Variants in MYH10 observed in about 807,000 individuals in gnomAD.
MYH10 encodes myosin-10.
MYH10 carries 55 observed loss-of-function variants against 257.8 expected under a neutral mutation model. That is an observed-to-expected ratio of 0.21 (90% CI 0.17 to 0.27). The LOEUF (loss-of-function observed/expected upper bound fraction) is 0.27. Ranked by LOEUF, MYH10 falls within the 10% of genes least tolerant of loss-of-function variation. MYH10 has a pLI of 1.00. For missense variants in MYH10, 1,631 were observed against 2,500.6 expected (o/e 0.65, Z 7.42); for synonymous variants, 854 against 921.7 (o/e 0.93, Z 1.33).
chr17:8,613,116 C>A (rs1259185576), intron 2 of MYH10, among the ~76,000 whole-genome samples: 2 of 151,856 alleles, frequency 1.3e-5, no homozygotes, highest in Non-Finnish European at 2.9e-5. Flanking sequence ...TTCAAGGGAA[C>A]AACAATCAAA....
chr17:8,505,501 CATT>C (rs1179361497), intron 27 of MYH10, among the ~76,000 whole-genome samples: 4 of 152,200 alleles, frequency 2.6e-5, no homozygotes, highest in African/African-American at 7.2e-5. Context: ...GATTGTAACA[CATT>C]ATAAACTCCA....
chr17:8,482,191 T>C (rs563530602), intron 37 of MYH10, among the ~76,000 whole-genome samples: 1 of 152,340 alleles, frequency 6.6e-6, no homozygotes, highest in Admixed American at 6.5e-5. Context: ...GTCCCAAGGT[T>C]AGTCAGCAGC....
In MYH10 at chr17:8,484,251, A is replaced by C; in HGVS notation, c.5062T>G (p.Tyr1688Asp). ...CGAGCTTCTTCTAATTCACGTTGGT[A>C]ATCCTTCATCTGAGCCTAAGATTAA... ...LRKLQAQMKD[Y>D]QRELEEARAS... The change falls in exon 37 of 43, where the codon TAC becomes GAC. Residue 1688 changes from tyrosine to aspartate, a missense_variant. This residue lies in a region of MYH10 where 463 missense variants were observed against 621.8 expected (regional missense o/e 0.74). Transcript: ENST00000360416. 2 of 1,612,578 alleles carry C rather than the reference A, an allele frequency of 1.2e-6. No individual in the cohort carries two copies. The highest frequency in any genetic ancestry group is 1.7e-6 in the Non-Finnish European group (2 of 1,179,488).
rs773480638 is a variant in MYH10 at position 8,490,525 on chromosome 17, C to A, written c.4699G>T (p.Ala1567Ser). The A allele has an allele frequency of 6.2e-7, 1 of 1,614,202 alleles. No individual in the cohort carries two copies. Among genetic ancestry groups the A allele is most frequent in the South Asian group, 1.1e-5 (1 of 91,078 alleles). Residue 1567 changes from alanine (A) to serine (S), a missense_variant, in exon 35 of 43, where the codon GCC (alanine) becomes TCC (serine). Coordinates refer to ENST00000360416, the MANE Select transcript of MYH10 (RefSeq NM_001256012.3). This position sits in a 1 kb window ranked among gnomAD's most constrained non-coding sequence, Gnocchi z 4.1. ...NVHELEKSKR[A>S]LEQQVEEMRT... ...ATTTCCTCCACCTGCTGCTCTAGGG[C>A]CCGTTTGGATTTTTCAAGTTCGTGA...
intron 40 of MYH10, 75 bp downstream of exon 40, chr17:8,480,033 CGA>C (rs1913424883): frequency 6.8e-7 from 1 of 1,481,356 alleles, no homozygotes. Flanking sequence ...GGAGCCCCCC[CGA>C]AAGGGGCATG....
At chr17:8,513,945 G>A (rs2081379630) in intron 21 of MYH10, 51 bp from the exon 22 acceptor site, 2 of 1,487,518 alleles carry the variant, frequency 1.3e-6, no homozygotes, top group Non-Finnish European at 1.8e-6. Flanking sequence ...GTGCTTGAAT[G>A]GCTGTTGTCA....
In MYH10 at chr17:8,478,426, T is replaced by C. The variant is rs977564720; in HGVS notation, c.5618A>G (p.Lys1873Arg). ...QEAKERAAAN[K>R]LVRRTEKKLK... Reference sequence around the variant, plus strand: ...CTTCTTCTCAGTGCGACGGACTAATTTGTTGGCGGCTGCTCGTTCCCTGTG... The same window carrying C: ...CTTCTTCTCAGTGCGACGGACTAATCTGTTGGCGGCTGCTCGTTCCCTGTG... The change falls in exon 41 of 43, where the codon AAA (lysine) becomes AGA (arginine). Residue 1873 changes from lysine (K) to arginine (R), a missense_variant. This residue lies in a region of MYH10 where 343 missense variants were observed against 389.5 expected (regional missense o/e 0.88). Transcript: ENST00000360416. 6 of 1,614,244 alleles carry C rather than the reference T, an allele frequency of 3.7e-6. No homozygotes were observed. The highest frequency in any genetic ancestry group is 5.1e-6 in the Non-Finnish European group (6 of 1,180,046).
At chr17:8,515,533 C>CTTTTTTTTTTT in intron 21 of MYH10, among the ~76,000 whole-genome samples, 1 of 86,896 alleles carries the variant, frequency 1.2e-5, no homozygotes, top group Admixed American at 1.6e-4. Context: ...TTAGCCAAGT[C>CTTTTTTTTTTT]TTTTTTTTTT....
chr17:8,517,586 C>T (rs192359151), intron 21 of MYH10, among the ~76,000 whole-genome samples: 1 of 152,354 alleles, frequency 6.6e-6, no homozygotes, highest in Non-Finnish European at 1.5e-5. Context: ...TCAAATTTAA[C>T]AACTTTTCTC....
chr17:8,504,592 G>A lies in MYH10; in HGVS notation c.3599+102C>T. The A allele has an allele frequency of 1.3e-5, 13 of 1,022,278 alleles. No individual in the cohort carries two copies. The highest frequency in any genetic ancestry group is 1.9e-5 in the Non-Finnish European group (13 of 686,322). 63.3% of individuals were successfully genotyped at this position (1,022,278 alleles called of 1,614,324 possible). A position where few individuals can be genotyped will look rare whatever the true frequency, so the allele number is the denominator to read the frequency against. On this transcript the variant is annotated intron_variant, in intron 28 of 42. Transcript: ENST00000360416. This position sits in a 1 kb window ranked among gnomAD's most constrained non-coding sequence, Gnocchi z 5.6. The stretch of plus-strand genomic sequence containing the variant: ...GTTCCACCTGCCATCACAAGGAAAA[G>A]CACACCACCTCCCAAAGATAGCAAG...
Position 8,591,074 on chromosome 17 carries a change from G to A in MYH10, c.503-1966C>T, listed in dbSNP as rs538392797. Among the ~76,000 whole-genome samples, 22 of 151,930 alleles carry A rather than the reference G, an allele frequency of 1.4e-4. 1 individual carries two copies. The East Asian group carries it at 3.9e-3, about 27-fold the overall frequency. ...TTTTTAGTAGAGACGGGGTTTCACC[G>A]TGTTAGCCAGGATGGTCTCGATCTC... On this transcript the variant is annotated intron_variant, in intron 3 of 42. Coordinates refer to ENST00000360416, the MANE Select transcript of MYH10 (RefSeq NM_001256012.3).
At chr17:8,488,991 TAATAAACAG>T (rs1287365370) in intron 35 of MYH10, among the ~76,000 whole-genome samples, 2 of 152,168 alleles carry the variant, frequency 1.3e-5, no homozygotes, top group Non-Finnish European at 2.9e-5. Context: ...GACTTGCTTC[TAATAAACAG>T]AATAAACAAG....
At chr17:8,491,483 T>C (rs1251502679) in intron 34 of MYH10, among the ~76,000 whole-genome samples, 4 of 152,152 alleles carry the variant, frequency 2.6e-5, no homozygotes, top group Admixed American at 6.5e-5. Flanking sequence ...CGCTGACTTA[T>C]GATGTGGCCA....
Position 8,569,597 on chromosome 17 carries a change from C to T in MYH10, c.756+123G>A. On this transcript the variant is annotated intron_variant, in intron 7 of 42. Coordinates refer to ENST00000360416, the MANE Select transcript of MYH10 (RefSeq NM_001256012.3). The surrounding 1 kb of genome is among the most constrained non-coding windows in gnomAD (Gnocchi z 4.1). ...AATTACATGTGAGCTTGTATTATGT[C>T]TACAGAACTACATCTATTAGCTTCT... 1.6e-6 allele frequency: 1 copy of T among 637,546 alleles called. No homozygotes were observed. 39.5% of individuals were successfully genotyped at this position (637,546 alleles called of 1,614,324 possible). A position where few individuals can be genotyped will look rare whatever the true frequency, so the allele number is the denominator to read the frequency against.
At position 8,512,496 on chromosome 17, in the gene MYH10, G is replaced by C; in HGVS notation, c.2907C>G (p.Asn969Lys). 4 of 1,613,478 alleles carry C rather than the reference G, an allele frequency of 2.5e-6. No homozygotes were observed. Among genetic ancestry groups the C allele is most frequent in the Non-Finnish European group, 3.4e-6 (4 of 1,179,848 alleles). ...TTTTCTTTTCATTTTGGAGGATTTG[G>C]TTTCTTTCTTCTTCTTCTTCAACCC... ...ESRVEEEEER[N>K]QILQNEKKKM... The change falls in exon 24 of 43, where the codon AAC becomes AAG. Residue 969 changes from asparagine (N) to lysine (K), a missense_variant. By Grantham distance (94) the Asn-to-Lys change is moderately conservative (BLOSUM62 0). Around this residue, in one of 11 missense-constraint regions of MYH10, gnomAD observed 169 missense variants for 249.8 expected, o/e 0.68. Transcript: ENST00000360416.
At chr17:8,568,821 C>G (rs1246865357) in intron 7 of MYH10, among the ~76,000 whole-genome samples, 1 of 151,932 alleles carries the variant, frequency 6.6e-6, no homozygotes, top group Non-Finnish European at 1.5e-5. Context: ...TCTGACGTAA[C>G]AGAGACCTGG....
intron 27 of MYH10, among the ~76,000 whole-genome samples, chr17:8,505,733 C>T (rs1480282645): frequency 6.6e-5 from 10 of 152,204 alleles, no homozygotes; most frequent in African/African-American, 2.4e-4. Flanking sequence ...GTAATCCCAG[C>T]ACTTTGGGAG....
At position 8,477,030 on chromosome 17, in the gene MYH10, G is replaced by A. The variant is rs774684560; in HGVS notation, c.5725C>T (p.Arg1909Trp). Residue 1909 changes from arginine (R) to tryptophan (W), a missense_variant, in exon 42 of 43, where the codon CGG becomes TGG. Physicochemically the swap from Arg to Trp is moderately radical, Grantham distance 101. This residue lies in a region of MYH10 where 343 missense variants were observed against 389.5 expected (regional missense o/e 0.88). Transcript: ENST00000360416. The surrounding 1 kb of genome is among the most constrained non-coding windows in gnomAD (Gnocchi z 4.2). ...YKEQMEKANA[R>W]MKQLKRQLEE... ...AGCTGGCGTTTAAGCTGCTTCATCCGAGCGTTGGCCTTCTCCATCTTGGGG... is the reference window on the plus strand; with the variant it reads ...AGCTGGCGTTTAAGCTGCTTCATCCAAGCGTTGGCCTTCTCCATCTTGGGG... The A allele has an allele frequency of 3.1e-6, 5 of 1,614,034 alleles. No individual in the cohort carries two copies. The highest frequency in any genetic ancestry group is 4.2e-6 in the Non-Finnish European group (5 of 1,180,028).
chr17:8,484,783 T>A (rs555796028), intron 36 of MYH10, among the ~76,000 whole-genome samples: 1 of 152,330 alleles, frequency 6.6e-6, no homozygotes, highest in South Asian at 2.1e-4. Context: ...CAACAAGCTA[T>A]GAACAGAAGG....
Sources: gnomAD v4.1 joint callset for allele counts (sites outside exome capture counted in the v4.1 genomes callset) on GRCh38, gnomAD v4.1.1 for gene constraint, gnomAD v4.1.1 regional missense constraint, Gnocchi (gnomAD v3.1) non-coding constraint, MANE v1.5 for transcripts, NCBI Gene and HGNC (gene_info 2026-07-23, HGNC 2026-07-21) for gene names.